Variants in CHD2 observed in about 807,000 individuals in gnomAD.
CHD2 encodes chromodomain helicase DNA binding protein 2, also known as ATP-dependent chromatin remodeler CHD2.
In CHD2, 28 loss-of-function variants were observed where a neutral mutation model predicts 243.9. The ratio of observed to expected loss-of-function variants is 0.11; its 90% CI spans 0.09 to 0.16. CHD2 has a LOEUF of 0.16. CHD2 is among the 10% of genes least tolerant of loss of function. The pLI, the probability that CHD2 is intolerant of heterozygous loss-of-function variation, is 1.00. For synonymous variants in CHD2, 775 were observed against 779.0 expected (o/e 0.99, Z 0.09); for missense variants, 1,386 against 2,209.8 (o/e 0.63, Z 7.47).
chr15:93,020,067 T>C lies in CHD2; in HGVS notation c.4962T>C (p.Asn1654=), dbSNP rs779761378. 6.2e-7 allele frequency: 1 copy of C among 1,613,966 alleles called. No individual in the cohort carries two copies. Among genetic ancestry groups the C allele is most frequent in the Non-Finnish European group, 8.5e-7 (1 of 1,179,994 alleles). ...TCAACTATGGTGGTGGCAACAACAATCCACCATGGGGAAGCGACAGGCACC... is the reference window on the plus strand; with the variant it reads ...TCAACTATGGTGGTGGCAACAACAACCCACCATGGGGAAGCGACAGGCACC... ...RKFNYGGGNN[N]PPWGSDRHHQ... is the part of the protein sequence containing the mutation. Residue 1654 remains asparagine, a synonymous_variant, in exon 38 of 39, where the codon AAT becomes AAC. Transcript: ENST00000394196.
chr15:92,905,081 G>T (rs2052595372), intron 2 of CHD2: 1 of 1,310,758 alleles, frequency 7.6e-7, no homozygotes, highest in Non-Finnish European at 1.0e-6. Flanking sequence ...AAAATTTCAC[G>T]TTCAATAACA....
chr15:92,937,456 G>A (rs994478113), intron 5 of CHD2, 62 bp from the exon 6 acceptor site: 63 of 1,264,384 alleles, frequency 5.0e-5, no homozygotes, highest in Non-Finnish European at 6.0e-5. Flanking sequence ...TGGTTTTGTC[G>A]GATTATTTAT....
At position 93,004,700 on chromosome 15, in the gene CHD2, C is replaced by G; in HGVS notation, c.4362C>G (p.Val1454=). The change falls in exon 34 of 39, where the codon GTC becomes GTG. Residue 1454 remains valine (V), a synonymous_variant. Coordinates refer to ENST00000394196, the MANE Select transcript of CHD2 (RefSeq NM_001271.4). ...PVHITAGSEP[V]PIGEDEDDDL... ...ATATTACAGCAGGAAGTGAACCTGT[C>G]CCCATTGGAGAGGATGAGGATGATG... is the stretch of plus-strand genomic sequence containing the variant. The G allele has an allele frequency of 6.2e-7, 1 of 1,613,726 alleles. No homozygotes were observed. The highest frequency in any genetic ancestry group is 8.5e-7 in the Non-Finnish European group (1 of 1,179,784).
intron 16 of CHD2, among the ~76,000 whole-genome samples, chr15:92,960,580 T>C (rs561958272): frequency 1.8e-4 from 27 of 152,256 alleles, no homozygotes; most frequent in African/African-American, 5.8e-4. Context: ...AATTGCTTTT[T>C]AGACATTAGG....
At chr15:92,941,979 T>C in intron 8 of CHD2, 24 bp downstream of exon 8, 8 of 1,602,858 alleles carry the variant, frequency 5.0e-6, no homozygotes, top group Non-Finnish European at 6.8e-6. Context: ...GGGAGCAAAT[T>C]ACATTTTATG....
At chr15:92,975,585 TAG>T (rs1224975191) in intron 20 of CHD2, among the ~76,000 whole-genome samples, 1 of 151,964 alleles carries the variant, frequency 6.6e-6, no homozygotes, top group Non-Finnish European at 1.5e-5. Context: ...TAATAATGTG[TAG>T]AGCTAAAGGA....
chr15:92,950,809 G>C (rs1443295046), intron 13 of CHD2, among the ~76,000 whole-genome samples: 1 of 151,202 alleles, frequency 6.6e-6, no homozygotes, highest in Non-Finnish European at 1.5e-5. Flanking sequence ...CTGAAAGGAA[G>C]CTTTCTAGTT....
intron 2 of CHD2, among the ~76,000 whole-genome samples, chr15:92,916,793 C>G (rs1306371778): frequency 6.6e-6 from 1 of 152,202 alleles, no homozygotes; most frequent in African/African-American, 2.4e-5. Context: ...ACCTCCTAAT[C>G]TGACCACCTC....
chr15:92,942,030 A>G, intron 8 of CHD2, 75 bp downstream of exon 8: 3 of 1,410,162 alleles, frequency 2.1e-6, no homozygotes, highest in Non-Finnish European at 2.9e-6. Context: ...TTTAACTCTA[A>G]TGTGATGAAT....
At position 92,906,662 on chromosome 15, in the gene CHD2, A is replaced by ATT. The variant is rs1491337436; in HGVS notation, c.62+5364_62+5365insTT. Among the ~76,000 whole-genome samples the ATT allele has an allele frequency of 8.9e-3, 923 of 103,148 alleles. 13 individuals are homozygous for ATT. The East Asian group carries it at 0.099, about 11-fold the overall frequency. The allele number at this position is 103,148 out of a possible 152,430, so 67.7% of individuals were successfully genotyped here. On this transcript the variant is annotated intron_variant, in intron 2 of 38. Transcript: ENST00000394196. Reference sequence around the variant, plus strand: ...ATTAAATTTTTTCTTGCTATGAGCCATCTTTTTTTTTTTTTTTTTTTTAAG... The same window carrying ATT: ...ATTAAATTTTTTCTTGCTATGAGCCATTTCTTTTTTTTTTTTTTTTTTTTAAG...
At position 93,020,202 on chromosome 15, in the gene CHD2, T is replaced by G; in HGVS notation, c.5097T>G (p.Pro1699=). The change falls in exon 38 of 39, where the codon CCT becomes CCG. Residue 1699 remains proline, a synonymous_variant. Transcript: ENST00000394196. ...CCAACAACATGTCCAGAAAGAGGCC[T>G]TATGACCAGTACAGCAGTGACCGAG... ...YRPNNMSRKR[P]YDQYSSDRDH... 4 of 1,614,094 alleles carry G rather than the reference T, an allele frequency of 2.5e-6. No individual in the cohort carries two copies. The highest frequency in any genetic ancestry group is 3.4e-6 in the Non-Finnish European group (4 of 1,179,998).
At chr15:93,019,351 C>G (rs2054502480) in intron 37 of CHD2, among the ~76,000 whole-genome samples, 1 of 152,092 alleles carries the variant, frequency 6.6e-6, no homozygotes, top group Non-Finnish European at 1.5e-5. Flanking sequence ...AAGAGTCTGC[C>G]ACAGATTGGA....
At chr15:92,909,315 C>A (rs749660953) in intron 2 of CHD2, among the ~76,000 whole-genome samples, 1 of 152,108 alleles carries the variant, frequency 6.6e-6, no homozygotes, top group African/African-American at 2.4e-5. Flanking sequence ...TCTAAACTTC[C>A]TTTCCCTTGG....
At chr15:92,927,381 C>T (rs1182603174) in intron 4 of CHD2, 51 bp downstream of exon 4, 5 of 1,326,820 alleles carry the variant, frequency 3.8e-6, no homozygotes, top group African/African-American at 1.4e-5. Context: ...TATCTTACTT[C>T]ATTCTTTCTG....
chr15:92,920,330 A>G (rs2059804662), intron 2 of CHD2, among the ~76,000 whole-genome samples: 1 of 152,242 alleles, frequency 6.6e-6, no homozygotes, highest in African/African-American at 2.4e-5. Context: ...TGTATCAGAG[A>G]TATTTGCAAC....
At chr15:92,908,256 G>GT (rs1449802194) in intron 2 of CHD2, among the ~76,000 whole-genome samples, 1 of 151,940 alleles carries the variant, frequency 6.6e-6, no homozygotes. Flanking sequence ...GGATATAAAT[G>GT]TAACAGCAGT....
chr15:93,017,660 T>C (rs1362182040), intron 37 of CHD2, among the ~76,000 whole-genome samples: 1 of 152,138 alleles, frequency 6.6e-6, no homozygotes, highest in African/African-American at 2.4e-5. Context: ...ACGCATTCTT[T>C]TTAATCTTCC....
chr15:92,931,592 C>T (rs2053167979), intron 5 of CHD2, among the ~76,000 whole-genome samples: 1 of 151,984 alleles, frequency 6.6e-6, no homozygotes, highest in Non-Finnish European at 1.5e-5. Flanking sequence ...CCTGGCTGTT[C>T]TCAAACTCCT....
chr15:92,923,289 C>T (rs566933041), intron 2 of CHD2, among the ~76,000 whole-genome samples: 2 of 152,214 alleles, frequency 1.3e-5, no homozygotes, highest in South Asian at 2.1e-4. Flanking sequence ...GAGACAGGGT[C>T]TCACTGTGAC....
Sources: gnomAD v4.1 joint callset for allele counts (sites outside exome capture counted in the v4.1 genomes callset) on GRCh38, gnomAD v4.1.1 for gene constraint, MANE v1.5 for transcripts, NCBI Gene and HGNC (gene_info 2026-07-23, HGNC 2026-07-21) for gene names.